EIF3K: variants seen among roughly 807,000 people sequenced by gnomAD.
EIF3K encodes eIF-3 p28.
In EIF3K, 27 loss-of-function variants were observed where a neutral mutation model predicts 34.2. The ratio of observed to expected loss-of-function variants is 0.79; its 90% CI spans 0.58 to 1.09. The LOEUF is 1.09. Ranked by LOEUF, EIF3K falls within the 50% of genes least tolerant of loss-of-function variation. The pLI, the probability that EIF3K is intolerant of heterozygous loss-of-function variation, is 0.00. For synonymous variants in EIF3K, 105 were observed against 105.7 expected, an observed-to-expected ratio of 0.99 and a Z score of 0.04; for missense variants, 232 against 275.4, an observed-to-expected ratio of 0.84 and a Z score of 1.11.
chr19:38,631,730 C>T lies in EIF3K; in HGVS notation c.355-700C>T, dbSNP rs368048337. Among the ~76,000 whole-genome samples the T allele has an allele frequency of 1.4e-3, 216 of 152,316 alleles. 3 individuals carry two copies. The East Asian group carries it at 0.036, about 26-fold the overall frequency. Reference sequence around the variant, plus strand: ...TCAGGTCTTTCCCTTCCCACGAGGCCATATTTCAGACTATCACATGGGGAG... The same window carrying T: ...TCAGGTCTTTCCCTTCCCACGAGGCTATATTTCAGACTATCACATGGGGAG... On this transcript the variant is annotated intron_variant, in intron 4 of 7. Coordinates refer to ENST00000248342, the MANE Select transcript of EIF3K (RefSeq NM_013234.4).
At chr19:38,625,355 G>A (rs565138441) in intron 3 of EIF3K, among the ~76,000 whole-genome samples, 3 of 151,752 alleles carry the variant, frequency 2.0e-5, no homozygotes, top group African/African-American at 4.8e-5. Flanking sequence ...TAGTAGAGAC[G>A]GGGTTTTGCT....
intron 7 of EIF3K, 53 bp from the exon 8 acceptor site, chr19:38,636,836 G>A: frequency 6.2e-7 from 1 of 1,610,332 alleles, no homozygotes; most frequent in Non-Finnish European, 8.5e-7. Context: ...CAGGTGGCTG[G>A]AGGTTTGTCT....
chr19:38,624,781 T>TGG (rs1975914101), intron 3 of EIF3K, among the ~76,000 whole-genome samples: 2 of 149,778 alleles, frequency 1.3e-5, no homozygotes, highest in South Asian at 4.2e-4. Flanking sequence ...ACCATTTGGG[T>TGG]GGGGGAATAT....
intron 4 of EIF3K, 140 bp from the exon 5 acceptor site, chr19:38,632,289 GC>G: frequency 1.4e-6 from 1 of 738,806 alleles, no homozygotes; most frequent in South Asian, 1.8e-5. Context: ...ACTTTGGGGG[GC>G]TGAGGCAGGA....
chr19:38,623,606 C>A (rs1042172438), intron 2 of EIF3K, among the ~76,000 whole-genome samples: 2 of 151,998 alleles, frequency 1.3e-5, no homozygotes, highest in Non-Finnish European at 2.9e-5. Flanking sequence ...ACCTACCCAC[C>A]CCCACCGCCA....
intron 2 of EIF3K, among the ~76,000 whole-genome samples, chr19:38,621,175 G>A (rs952040387): frequency 1.2e-4 from 18 of 150,972 alleles, no homozygotes; most frequent in African/African-American, 4.4e-4. Context: ...CAGCCTGGGG[G>A]ACAGAGTGAG....
intron 2 of EIF3K, among the ~76,000 whole-genome samples, chr19:38,621,459 A>G (rs1385401682): frequency 6.6e-6 from 1 of 152,254 alleles, no homozygotes; most frequent in Non-Finnish European, 1.5e-5. Context: ...AGGCTAATAC[A>G]TTAAGCAAAC....
rs1031457870 is a variant in EIF3K, at chr19:38,626,040, C to T, written c.292C>T (p.Pro98Ser). The T allele has an allele frequency of 6.8e-6, 11 of 1,614,188 alleles. No homozygotes were observed. Among genetic ancestry groups the T allele is most frequent in the Non-Finnish European group, 9.3e-6 (11 of 1,180,034 alleles). Reference sequence around the variant, plus strand: ...TTCCTCCTCCCAGCAAGAAGAACGGCCAATCCGACAGATTTTGTACCTCGG... The same window carrying T: ...TTCCTCCTCCCAGCAAGAAGAACGGTCAATCCGACAGATTTTGTACCTCGG... ...MIDQAHQEER[P>S]IRQILYLGDL... Residue 98 changes from proline to serine, a missense_variant, in exon 4 of 8, where the codon CCA becomes TCA. By Grantham distance (74) the Pro-to-Ser change is moderately conservative (BLOSUM62 -1). Transcript: ENST00000248342.
chr19:38,630,335 A>ATTTTTTTT (rs1568655639), intron 4 of EIF3K, among the ~76,000 whole-genome samples: 1 of 142,606 alleles, frequency 7.0e-6, no homozygotes, highest in Non-Finnish European at 1.5e-5. Context: ...TTAATTATTT[A>ATTTTTTTT]TTTATTTATT....
At chr19:38,632,218 T>A (rs763724241) in intron 4 of EIF3K, 20 of 528,712 alleles carry the variant, frequency 3.8e-5, no homozygotes, top group Non-Finnish European at 5.4e-5. Context: ...GAGTTTGAGA[T>A]CAGCCTGGGC....
intron 4 of EIF3K, among the ~76,000 whole-genome samples, chr19:38,629,267 GTTTGTTTTGTTTTGTTTTGT>G (rs3033331): frequency 4.0e-5 from 6 of 148,944 alleles, no homozygotes; most frequent in African/African-American, 1.3e-4. Flanking sequence ...TTTTTTGTTT[GTTTGTTTTGTTTTGTTTTGT>G]TTTGTTTTGT....
chr19:38,624,417 A>T (rs1033793013), intron 3 of EIF3K, among the ~76,000 whole-genome samples: 1 of 152,140 alleles, frequency 6.6e-6, no homozygotes, highest in African/African-American at 2.4e-5. Flanking sequence ...AGTCAGTGAT[A>T]GACTGGAGTG....
At chr19:38,622,758 G>C (rs1975869870) in intron 2 of EIF3K, among the ~76,000 whole-genome samples, 1 of 152,206 alleles carries the variant, frequency 6.6e-6, no homozygotes. Context: ...TACGCCCCGG[G>C]GGGCCCGTTC....
intron 4 of EIF3K, among the ~76,000 whole-genome samples, chr19:38,626,671 C>CT (rs1334214078): frequency 1.3e-5 from 2 of 152,200 alleles, no homozygotes; most frequent in African/African-American, 4.8e-5. Context: ...TTCTACCTGT[C>CT]TGACATGCTC....
chr19:38,627,455 G>A (rs1000655981), intron 4 of EIF3K, among the ~76,000 whole-genome samples: 4 of 151,678 alleles, frequency 2.6e-5, no homozygotes, highest in Admixed American at 2.0e-4. Flanking sequence ...ACCTGAGGTC[G>A]GGAGTTCGAG....
At chr19:38,619,428 G>T in intron 1 of EIF3K, 101 bp downstream of exon 1, 1 of 1,372,828 alleles carries the variant, frequency 7.3e-7, no homozygotes, top group Non-Finnish European at 1.0e-6. Flanking sequence ...TTGCCGCGGG[G>T]TGGGGTTTCT....
intron 4 of EIF3K, among the ~76,000 whole-genome samples, chr19:38,631,510 C>G (rs1309208757): frequency 6.6e-6 from 1 of 152,244 alleles, no homozygotes; most frequent in East Asian, 1.9e-4. Context: ...CGTGTCCCAC[C>G]TCCAGCCCTA....
chr19:38,633,065 C>T (rs941888384), intron 6 of EIF3K, among the ~76,000 whole-genome samples: 1 of 152,160 alleles, frequency 6.6e-6, no homozygotes, highest in Non-Finnish European at 1.5e-5. Context: ...GAGCCCTTAC[C>T]TCCGTAGAGA....
Position 38,619,342 on chromosome 19 carries a change from G to A in EIF3K, c.59+15G>A. The A allele has an allele frequency of 1.2e-6, 2 of 1,613,508 alleles. No individual in the cohort carries two copies. Among genetic ancestry groups the A allele is most frequent in the Non-Finnish European group, 1.7e-6 (2 of 1,179,654 alleles). Reference sequence around the variant, plus strand: ...GGTATCGACAGGTCTGAGCCCGGTTGGAGGAAGCGCTCTGGCCAAGCGGGG... The same window carrying A: ...GGTATCGACAGGTCTGAGCCCGGTTAGAGGAAGCGCTCTGGCCAAGCGGGG... On this transcript the variant is annotated intron_variant, in intron 1 of 7. Coordinates refer to ENST00000248342, the MANE Select transcript of EIF3K (RefSeq NM_013234.4).
Sources: allele counts gnomAD v4.1 joint callset (sites outside exome capture counted in the v4.1 genomes callset), GRCh38; gene constraint gnomAD v4.1.1; transcripts MANE v1.5; gene names NCBI Gene and HGNC (gene_info 2026-07-23, HGNC 2026-07-21).